The following RAB7A variants were observed in gnomAD, a reference collection of about 807,000 sequenced individuals.
RAB7A encodes the protein RAB7A, member RAS oncogene family.
A neutral mutation model predicts 24.5 loss-of-function variants in RAB7A; 2 were observed. The observed-to-expected ratio is 0.08, with a 90% CI of 0.03 to 0.26. The LOEUF is 0.26. RAB7A is among the 10% of genes least tolerant of loss of function. The pLI is 1.00. For missense variants in RAB7A, 118 were observed against 255.7 expected, an observed-to-expected ratio of 0.46 and a Z score of 3.67; for synonymous variants, 100 against 95.9, an observed-to-expected ratio of 1.04 and a Z score of -0.25.
intron 1 of RAB7A, among the ~76,000 whole-genome samples, chr3:128,754,555 A>G (rs1167784697): frequency 6.6e-6 from 1 of 152,218 alleles, no homozygotes; most frequent in East Asian, 1.9e-4. Context: ...CAAAATGACA[A>G]AAGTTCTGCC....
intron 1 of RAB7A, among the ~76,000 whole-genome samples, chr3:128,742,573 A>G (rs2070565470): frequency 6.6e-6 from 1 of 152,172 alleles, no homozygotes; most frequent in Non-Finnish European, 1.5e-5. Context: ...TCCTCTAGCT[A>G]GACGTAAAAG....
intron 1 of RAB7A, among the ~76,000 whole-genome samples, chr3:128,767,847 G>A (rs1485481994): frequency 6.6e-6 from 1 of 152,124 alleles, no homozygotes; most frequent in Non-Finnish European, 1.5e-5. Context: ...GCAGCCTCCT[G>A]GCCTCTGACT....
intron 1 of RAB7A, among the ~76,000 whole-genome samples, chr3:128,738,188 A>G (rs2070511454): frequency 1.3e-5 from 2 of 151,980 alleles, no homozygotes; most frequent in South Asian, 2.1e-4. Context: ...GTGTGCCACT[A>G]CGCCCAGTTA....
intron 1 of RAB7A, among the ~76,000 whole-genome samples, chr3:128,784,593 C>T (rs189743385): frequency 3.3e-5 from 5 of 152,306 alleles, no homozygotes; most frequent in Admixed American, 3.3e-4. Context: ...CTTAGTACGG[C>T]CCACTGTGTC....
At chr3:128,763,842 G>T (rs2070798706) in intron 1 of RAB7A, among the ~76,000 whole-genome samples, 1 of 149,694 alleles carries the variant, frequency 6.7e-6, no homozygotes, top group South Asian at 2.1e-4. Context: ...TCCTTCTACT[G>T]GCATTCACCT....
At chr3:128,780,488 C>T (rs973513614) in intron 1 of RAB7A, among the ~76,000 whole-genome samples, 1 of 152,096 alleles carries the variant, frequency 6.6e-6, no homozygotes, top group Non-Finnish European at 1.5e-5. Context: ...TTGTACTTAC[C>T]AGCTTATAGA....
chr3:128,735,467 A>G (rs867607265), intron 1 of RAB7A, among the ~76,000 whole-genome samples: 5 of 152,238 alleles, frequency 3.3e-5, no homozygotes, highest in Non-Finnish European at 7.3e-5. Context: ...GAACCTCACA[A>G]TTAAGTCAGA....
intron 1 of RAB7A, among the ~76,000 whole-genome samples, chr3:128,748,122 C>T (rs13091783): frequency 6.6e-6 from 1 of 152,186 alleles, no homozygotes; most frequent in South Asian, 2.1e-4. Context: ...CCCCTACTGG[C>T]CCTGGCACTT....
chr3:128,758,860 T>C (rs550593068), intron 1 of RAB7A, among the ~76,000 whole-genome samples: 5 of 152,286 alleles, frequency 3.3e-5, no homozygotes, highest in African/African-American at 1.2e-4. Flanking sequence ...GTTTTTTGCT[T>C]AAGATTTAAC....
rs1933562894 is a variant in RAB7A, at chr3:128,795,883, C to G, written c.53+463C>G. 3.3e-5 allele frequency among the ~76,000 whole-genome samples: 5 copies of G among 151,612 alleles called. No individual in the cohort carries two copies. In the South Asian group the frequency reaches 1.0e-3, roughly 32 times the overall value. The stretch of plus-strand genomic sequence containing the variant: ...TCTCCTGCCTCAGCCTCCCGAGGAG[C>G]TGGGACTACAGGCGCCCGCCACCAC... On this transcript the variant is annotated intron_variant, in intron 2 of 5. Coordinates refer to ENST00000265062, the MANE Select transcript of RAB7A (RefSeq NM_004637.6).
rs2070727789 is a variant in RAB7A, at chr3:128,756,185, A to G, written c.-9+29826A>G. On this transcript the variant is annotated intron_variant, in intron 1 of 5. Transcript: ENST00000265062. ...ACCCCGTCTCTACTAAAAATACAAAAATTACCTGGGTGTGGTGGCACATGC... is the reference window on the plus strand; with the variant it reads ...ACCCCGTCTCTACTAAAAATACAAAGATTACCTGGGTGTGGTGGCACATGC... Among the ~76,000 whole-genome samples the G allele has an allele frequency of 2.6e-5, 4 of 152,216 alleles. No homozygotes were observed. The South Asian group carries it at 8.3e-4, about 32-fold the overall frequency.
At chr3:128,808,124 A>C (rs185401452) in intron 5 of RAB7A, among the ~76,000 whole-genome samples, 1 of 152,276 alleles carries the variant, frequency 6.6e-6, no homozygotes, top group Non-Finnish European at 1.5e-5. Flanking sequence ...TGGGAGGCCA[A>C]GGCGGGCTGA....
intron 1 of RAB7A, among the ~76,000 whole-genome samples, chr3:128,746,515 T>A (rs1236766866): frequency 2.6e-5 from 4 of 151,566 alleles, no homozygotes; most frequent in African/African-American, 9.7e-5. Flanking sequence ...TTTTTTTTAT[T>A]TTTTTATTTT....
chr3:128,743,843 G>A (rs2070581649), intron 1 of RAB7A, among the ~76,000 whole-genome samples: 2 of 149,466 alleles, frequency 1.3e-5, no homozygotes, highest in African/African-American at 5.0e-5. Flanking sequence ...AGGCTGGAGT[G>A]TAGTGGCATG....
At chr3:128,774,485 A>T (rs1226947836) in intron 1 of RAB7A, among the ~76,000 whole-genome samples, 1 of 151,790 alleles carries the variant, frequency 6.6e-6, no homozygotes, top group African/African-American at 2.4e-5. Context: ...TCCCAGAAAC[A>T]GAGTTTTGCT....
intron 1 of RAB7A, 125 bp downstream of exon 1, chr3:128,726,484 G>T (rs1197879781): frequency 1.3e-5 from 2 of 152,652 alleles, no homozygotes; most frequent in Non-Finnish European, 2.9e-5. Flanking sequence ...TGGCCACGCG[G>T]GCACACCCGG....
At chr3:128,765,315 G>A (rs566703240) in intron 1 of RAB7A, among the ~76,000 whole-genome samples, 83 of 152,210 alleles carry the variant, frequency 5.5e-4, no homozygotes, top group African/African-American at 2.0e-3. Context: ...TGTTTAAGTC[G>A]AGTGACCTTC....
intron 3 of RAB7A, among the ~76,000 whole-genome samples, chr3:128,800,963 G>A (rs868193596): frequency 1.4e-4 from 21 of 152,286 alleles, no homozygotes; most frequent in African/African-American, 4.8e-4. Flanking sequence ...GCACAAAGGC[G>A]TCATTATCCT....
intron 3 of RAB7A, among the ~76,000 whole-genome samples, chr3:128,805,326 C>T (rs1933779410): frequency 6.6e-6 from 1 of 152,160 alleles, no homozygotes; most frequent in Admixed American, 6.5e-5. Flanking sequence ...TGCCGAGAGG[C>T]AGTGGAGTCA....
Sources: allele counts gnomAD v4.1 joint callset (sites outside exome capture counted in the v4.1 genomes callset), GRCh38; gene constraint gnomAD v4.1.1; transcripts MANE v1.5; gene names NCBI Gene and HGNC (gene_info 2026-07-23, HGNC 2026-07-21).